Variants in RBFOX1 observed in about 807,000 individuals in gnomAD.
The protein encoded by RBFOX1 is RNA binding protein fox-1 homolog 1.
RBFOX1 carries 8 observed loss-of-function variants against 57.7 expected under a neutral mutation model. That is an observed-to-expected ratio of 0.14 (90% CI 0.08 to 0.25). RBFOX1 has a LOEUF of 0.25. RBFOX1 is among the 10% of genes least tolerant of loss of function. RBFOX1 has a pLI of 1.00. For missense variants in RBFOX1, 611 were observed against 548.5 expected, an observed-to-expected ratio of 1.11 and a Z score of -1.14; for synonymous variants, 326 against 222.4, an observed-to-expected ratio of 1.47 and a Z score of -4.15.
chr16:7,165,963 C>CACAT (rs957367441), intron 4 of RBFOX1, among the ~76,000 whole-genome samples: 5,987 of 76,016 alleles, frequency 0.079, 155 homozygotes, highest in South Asian at 0.14. Context: ...CACACACACA[C>CACAT]ACATACATAC....
intron 2 of RBFOX1, among the ~76,000 whole-genome samples, chr16:6,651,673 A>C (rs983632141): frequency 6.6e-6 from 1 of 152,156 alleles, no homozygotes; most frequent in African/African-American, 2.4e-5. Context: ...TGAAACATTG[A>C]ATTACCATAG....
chr16:7,221,342 TG>T (rs879669072), intron 4 of RBFOX1, among the ~76,000 whole-genome samples: 14,373 of 133,016 alleles, frequency 0.11, 2,055 homozygotes, highest in African/African-American at 0.36. Flanking sequence ...TATTTTTATT[TG>T]ATTATTTATT....
chr16:5,716,139 T>G (rs2051689890), intron 3 of RBFOX1, among the ~76,000 whole-genome samples: 2 of 152,232 alleles, frequency 1.3e-5, no homozygotes, highest in Non-Finnish European at 2.9e-5. Flanking sequence ...TCATTTAAAT[T>G]TCACGTAAAC....
intron 3 of RBFOX1, among the ~76,000 whole-genome samples, chr16:5,767,741 A>G (rs2053837937): frequency 1.3e-5 from 2 of 152,166 alleles, no homozygotes; most frequent in African/African-American, 4.8e-5. Context: ...GTTTGCTGTA[A>G]TTAGATATTT....
intron 3 of RBFOX1, among the ~76,000 whole-genome samples, chr16:6,798,287 T>C (rs2084563802): frequency 1.3e-5 from 2 of 152,170 alleles, no homozygotes; most frequent in African/African-American, 4.8e-5. Context: ...TGAATCTGCA[T>C]AGATTGTATC....
intron 4 of RBFOX1, among the ~76,000 whole-genome samples, chr16:7,233,954 G>C (rs2093638495): frequency 6.6e-6 from 1 of 152,148 alleles, no homozygotes; most frequent in Non-Finnish European, 1.5e-5. Flanking sequence ...GGCTTGACTG[G>C]TCCTGGGAGA....
chr16:7,103,131 A>G (rs777761826), intron 4 of RBFOX1, among the ~76,000 whole-genome samples: 32 of 151,760 alleles, frequency 2.1e-4, no homozygotes, highest in South Asian at 1.0e-3. Context: ...AAGCTGTCGG[A>G]CCAAAGTATT....
chr16:5,997,562 G>A (rs551233411), intron 4 of RBFOX1, among the ~76,000 whole-genome samples: 43 of 152,322 alleles, frequency 2.8e-4, no homozygotes, highest in Non-Finnish European at 5.3e-4. Flanking sequence ...AGAACTCCAT[G>A]AAGAATCACC....
chr16:6,855,215 A>G (rs995321999), intron 3 of RBFOX1, among the ~76,000 whole-genome samples: 2 of 152,090 alleles, frequency 1.3e-5, no homozygotes, highest in Admixed American at 6.5e-5. Flanking sequence ...TGGCAAAATG[A>G]TAAGCATGCA....
At chr16:7,111,403 T>C (rs964423050) in intron 4 of RBFOX1, among the ~76,000 whole-genome samples, 2 of 152,240 alleles carry the variant, frequency 1.3e-5, no homozygotes, top group Non-Finnish European at 2.9e-5. Flanking sequence ...ATTTTTATTA[T>C]ACTGTATGAA....
chr16:5,390,610 C>G (rs1396004877), intron 1 of RBFOX1, among the ~76,000 whole-genome samples: 2 of 152,070 alleles, frequency 1.3e-5, no homozygotes, highest in African/African-American at 4.8e-5. Context: ...TTTTAAATGT[C>G]ACAATATATC....
intron 3 of RBFOX1, among the ~76,000 whole-genome samples, chr16:5,756,959 A>G (rs1030496539): frequency 4.6e-5 from 7 of 152,212 alleles, no homozygotes; most frequent in Admixed American, 2.6e-4. Context: ...TCTTAACACA[A>G]TAGAAATTTA....
At chr16:6,849,647 C>T (rs1028175636) in intron 3 of RBFOX1, among the ~76,000 whole-genome samples, 10 of 151,982 alleles carry the variant, frequency 6.6e-5, no homozygotes, top group Admixed American at 1.3e-4. Context: ...GCAGCCTGGG[C>T]AAGAAAGCAA....
intron 4 of RBFOX1, among the ~76,000 whole-genome samples, chr16:7,138,867 G>A (rs1383250494): frequency 6.6e-6 from 1 of 152,160 alleles, no homozygotes; most frequent in Non-Finnish European, 1.5e-5. Context: ...GGAGTGCAAT[G>A]GTGTGATTTA....
chr16:6,782,126 C>A (rs1250160551), intron 3 of RBFOX1, among the ~76,000 whole-genome samples: 1 of 152,144 alleles, frequency 6.6e-6, no homozygotes, highest in Non-Finnish European at 1.5e-5. Context: ...CCTGCCTCAG[C>A]CTCCCGAGTA....
chr16:5,913,985 C>T (rs1374092971), intron 4 of RBFOX1, among the ~76,000 whole-genome samples: 1 of 152,222 alleles, frequency 6.6e-6, no homozygotes, highest in African/African-American at 2.4e-5. Flanking sequence ...TAAGGAACTT[C>T]CTTAGAGCCA....
At chr16:7,304,369 G>A (rs549435126) in intron 4 of RBFOX1, 4 of 985,378 alleles carry the variant, frequency 4.1e-6, no homozygotes, top group African/African-American at 1.7e-5. Context: ...CGGGCTCGGC[G>A]GGCGCCAGAG....
At chr16:6,765,560 G>A (rs921690278) in intron 3 of RBFOX1, among the ~76,000 whole-genome samples, 1 of 152,078 alleles carries the variant, frequency 6.6e-6, no homozygotes, top group African/African-American at 2.4e-5. Context: ...GAATGTAAAT[G>A]AGTACAACCT....
chr16:6,745,360 C>T (rs566167457), intron 3 of RBFOX1, among the ~76,000 whole-genome samples: 3 of 152,154 alleles, frequency 2.0e-5, no homozygotes, highest in Admixed American at 6.5e-5. Flanking sequence ...ACCCCCGAAA[C>T]CACAGACTAG....
Sources: gnomAD v4.1 joint callset for allele counts (sites outside exome capture counted in the v4.1 genomes callset) on GRCh38, gnomAD v4.1.1 for gene constraint, MANE v1.5 for transcripts, NCBI Gene and HGNC (gene_info 2026-07-23, HGNC 2026-07-21) for gene names.